Variants in EVA1A observed in about 807,000 individuals in gnomAD.
The protein encoded by EVA1A is protein eva-1 homolog A.
A neutral mutation model predicts 9.8 loss-of-function variants in EVA1A; 7 were observed. The ratio of observed to expected loss-of-function variants is 0.71; its 90% confidence interval spans 0.41 to 1.34. EVA1A has a LOEUF of 1.34. Ranked by LOEUF, EVA1A falls within the 40% of genes most tolerant of loss-of-function variation. The pLI, the probability that EVA1A is intolerant of heterozygous loss-of-function variation, is 0.01. For missense variants in EVA1A, 206 were observed against 205.9 expected (o/e 1.00, Z 0.00); for synonymous variants, 90 against 85.6 (o/e 1.05, Z -0.28).
chr2:75,559,720 G>A (rs1430371047), intron 1 of EVA1A, among the ~76,000 whole-genome samples: 1 of 148,260 alleles, frequency 6.7e-6, no homozygotes, highest in Non-Finnish European at 1.5e-5. Context: ...GGGGAGTTGG[G>A]GGGACGGTTC....
intron 3 of EVA1A, 113 bp from the exon 4 acceptor site, chr2:75,493,722 C>T: frequency 1.1e-6 from 1 of 927,614 alleles, no homozygotes; most frequent in Non-Finnish European, 1.5e-6. Flanking sequence ...TTGATGGTTA[C>T]AAATATTGTC....
rs187968289 is a variant in EVA1A, at chr2:75,551,100, C to T, written c.-192+9580G>A. Among the ~76,000 whole-genome samples, 114 of 151,930 alleles carry T rather than the reference C, an allele frequency of 7.5e-4. 1 individual carries two copies. The East Asian group carries it at 0.016, about 21-fold the overall frequency. ...ATCGCACCACACATTCCAGCCTGGG[C>T]GACAGAGCAAGACTCTGCTCAAAAA... On this transcript the variant is annotated intron_variant, in intron 1 of 3. Coordinates refer to ENST00000393913, the MANE Select transcript of EVA1A (RefSeq NM_001135032.2).
chr2:75,553,631 C>T (rs987034254), intron 1 of EVA1A, among the ~76,000 whole-genome samples: 9 of 152,190 alleles, frequency 5.9e-5, no homozygotes, highest in Non-Finnish European at 2.9e-5. Context: ...TCTGTGAGCA[C>T]ATTAGCACAC....
At chr2:75,538,402 A>T (rs1168764437) in intron 1 of EVA1A, among the ~76,000 whole-genome samples, 1 of 152,234 alleles carries the variant, frequency 6.6e-6, no homozygotes, top group Non-Finnish European at 1.5e-5. Flanking sequence ...GTGAACACTA[A>T]AGTTAAAAAA....
chr2:75,526,384 A>G (rs1253643230), intron 1 of EVA1A, among the ~76,000 whole-genome samples: 1 of 152,222 alleles, frequency 6.6e-6, no homozygotes, highest in Non-Finnish European at 1.5e-5. Context: ...TTAATAAGGA[A>G]TTATACTAAT....
At chr2:75,552,126 G>A (rs910563093) in intron 1 of EVA1A, among the ~76,000 whole-genome samples, 1 of 151,986 alleles carries the variant, frequency 6.6e-6, no homozygotes, top group African/African-American at 2.4e-5. Flanking sequence ...GTTCAAGACT[G>A]CAGTGAGCTA....
At chr2:75,506,224 T>C (rs1485546913) in intron 3 of EVA1A, among the ~76,000 whole-genome samples, 1 of 152,230 alleles carries the variant, frequency 6.6e-6, no homozygotes, top group African/African-American at 2.4e-5. Flanking sequence ...AATATTTTTG[T>C]GCTTAATGCT....
intron 1 of EVA1A, among the ~76,000 whole-genome samples, chr2:75,539,907 A>G (rs922783612): frequency 6.6e-6 from 1 of 152,222 alleles, no homozygotes; most frequent in Non-Finnish European, 1.5e-5. Flanking sequence ...GCCAAAGCCC[A>G]GGAGCCAGAG....
intron 1 of EVA1A, among the ~76,000 whole-genome samples, chr2:75,556,815 G>A (rs1163365935): frequency 2.6e-5 from 4 of 152,130 alleles, no homozygotes; most frequent in African/African-American, 7.2e-5. Flanking sequence ...TCACCCATGC[G>A]GCTTGCAATA....
intron 1 of EVA1A, among the ~76,000 whole-genome samples, chr2:75,539,660 A>C (rs1251069619): frequency 6.6e-6 from 1 of 152,240 alleles, no homozygotes; most frequent in African/African-American, 2.4e-5. Context: ...TGAAGTCAAG[A>C]GTACAAAGAT....
At position 75,510,558 on chromosome 2, in the gene EVA1A, G is replaced by A. The variant is rs547592515; in HGVS notation, c.85+7498C>T. Reference sequence around the variant, plus strand: ...CTCATACCAATGTCATGGGAAACATGATTCGAATTCTGGTTAAATACTAAA... The same window carrying A: ...CTCATACCAATGTCATGGGAAACATAATTCGAATTCTGGTTAAATACTAAA... On this transcript the variant is annotated intron_variant, in intron 3 of 3. Transcript: ENST00000393913. 9.7e-4 allele frequency among the ~76,000 whole-genome samples: 147 copies of A among 152,310 alleles called. 2 individuals carry two copies. The highest frequency in any genetic ancestry group is 3.4e-3 in the African/African-American group (143 of 41,570).
intron 3 of EVA1A, among the ~76,000 whole-genome samples, chr2:75,507,890 C>T (rs1053799573): frequency 3.9e-5 from 6 of 152,174 alleles, no homozygotes; most frequent in South Asian, 2.1e-4. Flanking sequence ...GGACCCTAAA[C>T]GGAAGGACCA....
At chr2:75,557,864 A>G (rs1490015037) in intron 1 of EVA1A, among the ~76,000 whole-genome samples, 1 of 152,266 alleles carries the variant, frequency 6.6e-6, no homozygotes, top group Non-Finnish European at 1.5e-5. Flanking sequence ...AATCACAAGC[A>G]TGATGCAGGT....
upstream of EVA1A, chr2:75,560,945 GA>G: frequency 6.5e-6 from 1 of 152,874 alleles, no homozygotes; most frequent in Non-Finnish European, 1.5e-5. Context: ...TCAGTGGGAG[GA>G]AAAGGTTGTC....
rs373985968 is a variant in EVA1A, at chr2:75,543,370, G to A, written c.-192+17310C>T. ...AGTAACGCCTGACCAAGGAACACAC[G>A]AATGGGAACAAGGAGTATTCCTGGT... On this transcript the variant is annotated intron_variant, in intron 1 of 3. Transcript: ENST00000393913. 7.2e-4 allele frequency among the ~76,000 whole-genome samples: 110 copies of A among 152,254 alleles called. 1 individual carries two copies. The highest frequency in any genetic ancestry group is 7.1e-4 in the Non-Finnish European group (48 of 68,024).
At chr2:75,543,174 CT>C (rs920802770) in intron 1 of EVA1A, among the ~76,000 whole-genome samples, 1 of 151,694 alleles carries the variant, frequency 6.6e-6, no homozygotes, top group African/African-American at 2.4e-5. Context: ...TCCTGTATGG[CT>C]TTTTTTTTCT....
chr2:75,536,237 A>C (rs1675891145), intron 1 of EVA1A, among the ~76,000 whole-genome samples: 1 of 152,124 alleles, frequency 6.6e-6, no homozygotes, highest in Non-Finnish European at 1.5e-5. Flanking sequence ...CAGGAGGCTG[A>C]AGGGGGAGGA....
At chr2:75,525,944 G>A (rs1232914986) in intron 1 of EVA1A, among the ~76,000 whole-genome samples, 2 of 152,228 alleles carry the variant, frequency 1.3e-5, no homozygotes, top group East Asian at 3.8e-4. Flanking sequence ...AACACACTGT[G>A]ATGCTGTTTA....
At chr2:75,494,346 C>T (rs1214255378) in intron 3 of EVA1A, among the ~76,000 whole-genome samples, 1 of 152,158 alleles carries the variant, frequency 6.6e-6, no homozygotes. Flanking sequence ...ATGCTGGAAC[C>T]AATGCCCTGC....
Sources: allele counts gnomAD v4.1 joint callset (sites outside exome capture counted in the v4.1 genomes callset), GRCh38; gene constraint gnomAD v4.1.1; transcripts MANE v1.5; gene names NCBI Gene and HGNC (gene_info 2026-07-23, HGNC 2026-07-21).